TUBGCP6: variants seen among roughly 807,000 people sequenced by gnomAD.
The protein encoded by TUBGCP6 is gamma-tubulin complex component 6.
TUBGCP6 carries 161 observed loss-of-function variants against 175.8 expected under a neutral mutation model. That is an observed-to-expected ratio of 0.92 (90% CI 0.81 to 1.04). TUBGCP6 has a LOEUF of 1.04. Among genes scored for constraint, TUBGCP6 ranks in the 50% least tolerant of loss-of-function variants. The pLI, the probability that TUBGCP6 is intolerant of heterozygous loss-of-function variation, is 0.00. For missense variants in TUBGCP6, 2,572 were observed against 2,433.0 expected, an observed-to-expected ratio of 1.06 and a Z score of -1.20; for synonymous variants, 1,173 against 1,030.5, an observed-to-expected ratio of 1.14 and a Z score of -2.65.
chr22:50,218,709 C>T lies in TUBGCP6; in HGVS notation c.4815G>A (p.Arg1605=), dbSNP rs773434604. 1 of 1,613,690 alleles carries T rather than the reference C, an allele frequency of 6.2e-7. No individual in the cohort carries two copies. The highest frequency in any genetic ancestry group is 2.2e-5 in the East Asian group (1 of 44,872). ...APDVLSCLEL[R]YKVDWPLNIV... ...GGCCAGGGCTGCTGCTGACCTTGTACCTGAGCTCCAGGCAGCTCAGCACAT... is the reference window on the plus strand; with the variant it reads ...GGCCAGGGCTGCTGCTGACCTTGTATCTGAGCTCCAGGCAGCTCAGCACAT... Residue 1605 remains arginine, a synonymous_variant, in exon 21 of 25, where the codon AGG becomes AGA. Transcript: ENST00000248846.
At chr22:50,229,203 A>C (rs2064657554) in intron 4 of TUBGCP6, among the ~76,000 whole-genome samples, 1 of 152,020 alleles carries the variant, frequency 6.6e-6, no homozygotes, top group Non-Finnish European at 1.5e-5. Flanking sequence ...GGGCCCACAC[A>C]CATCTGCCCC....
Position 50,240,193 on chromosome 22 carries a change from A to AGG in TUBGCP6, c.905+9_905+10dup, listed in dbSNP as rs1290620144. On this transcript the variant is annotated intron_variant, in intron 2 of 24. Transcript: ENST00000248846. Reference sequence around the variant, plus strand: ...GGGGCACTGCATGCCAAGGCAAAGAAGGGCACACACCAGCCAACTCGCTCC... The same window carrying AGG: ...GGGGCACTGCATGCCAAGGCAAAGAAGGGGGCACACACCAGCCAACTCGCTCC... 6.2e-7 allele frequency: 1 copy of AGG among 1,613,226 alleles called. No individual in the cohort carries two copies. Among genetic ancestry groups the AGG allele is most frequent in the African/African-American group, 1.3e-5 (1 of 74,888 alleles).
intron 14 of TUBGCP6, 115 bp from the exon 15 acceptor site, chr22:50,222,217 G>T: frequency 1.6e-6 from 2 of 1,257,160 alleles, no homozygotes; most frequent in Non-Finnish European, 2.2e-6. Context: ...ACCAGACAAG[G>T]CTTGTGCTGG....
chr22:50,239,491 CT>C (rs1371313877), intron 2 of TUBGCP6, among the ~76,000 whole-genome samples: 5 of 152,184 alleles, frequency 3.3e-5, no homozygotes, highest in African/African-American at 1.2e-4. Context: ...TGCATATTCT[CT>C]GCCTGGGTTC....
intron 1 of TUBGCP6, among the ~76,000 whole-genome samples, chr22:50,242,968 C>A (rs1047017877): frequency 2.6e-5 from 4 of 152,190 alleles, no homozygotes; most frequent in Non-Finnish European, 5.9e-5. Context: ...TCCAGCAGCC[C>A]CACCTCAGGA....
rs767516267 is a variant in TUBGCP6 at position 50,220,971 on chromosome 22, G to A, written c.3388C>T (p.Arg1130Trp). 14 of 1,607,252 alleles carry A rather than the reference G, an allele frequency of 8.7e-6. No individual in the cohort carries two copies. The highest frequency in any genetic ancestry group is 4.5e-5 in the East Asian group (2 of 44,696). Residue 1130 changes from arginine to tryptophan, a missense_variant, in exon 16 of 25, where the codon CGG (arginine) becomes TGG (tryptophan). Arg to Trp is a moderately radical substitution (Grantham distance 101). Coordinates refer to ENST00000248846, the MANE Select transcript of TUBGCP6 (RefSeq NM_020461.4). ...GACACGTGCCCGTGGGTATTCCACC[G>A]TGGCCTGGTGGGAGCCACATCTGAC... is the stretch of plus-strand genomic sequence containing the variant. ...NVSDVAPTRPRWNTHGHVSNA... is the reference protein window; with the variant it reads ...NVSDVAPTRPWWNTHGHVSNA...
Position 50,244,447 on chromosome 22 carries a change from T to G in TUBGCP6, c.13A>C (p.Thr5Pro), listed in dbSNP as rs2064892687. MASI[T>P]QLFDDLCEAL... ...TCACACAGGTCGTCGAACAGCTGCG[T>G]GATGCTGGCCATGCCCCTTCTCAGC... is the stretch of plus-strand genomic sequence containing the variant. The change falls in exon 1 of 25, where the codon ACG becomes CCG. Residue 5 changes from threonine (T) to proline (P), a missense_variant. Physicochemically the swap from Thr to Pro is conservative, Grantham distance 38. Transcript: ENST00000248846. The G allele has an allele frequency of 6.2e-7, 1 of 1,611,380 alleles. No homozygotes were observed. Among genetic ancestry groups the G allele is most frequent in the Non-Finnish European group, 8.5e-7 (1 of 1,179,344 alleles).
rs1042037832 is a variant in TUBGCP6, at chr22:50,218,069, G to A, written c.5217C>T (p.Ser1739=). The A allele has an allele frequency of 1.2e-6, 2 of 1,613,370 alleles. No homozygotes were observed. The highest frequency in any genetic ancestry group is 1.7e-5 in the Admixed American group (1 of 60,010). ...KAAPVMNVIH[S]IFSLVLKFRS... ...GGAACTTGAGCACGAGGCTGAAGAT[G>A]CTGTGGATGACGTTCATGACGGGCG... The change falls in exon 24 of 25, where the codon AGC becomes AGT. Residue 1739 remains serine (S), a synonymous_variant. Coordinates refer to ENST00000248846, the MANE Select transcript of TUBGCP6 (RefSeq NM_020461.4).
At chr22:50,242,133 A>G (rs1294348691) in intron 1 of TUBGCP6, among the ~76,000 whole-genome samples, 5 of 152,086 alleles carry the variant, frequency 3.3e-5, no homozygotes, top group African/African-American at 1.2e-4. Context: ...TCTACTAAAT[A>G]TACAAAAAAT....
In TUBGCP6 at chr22:50,220,450, C is replaced by G; in HGVS notation, c.3909G>C (p.Gln1303His). The change falls in exon 16 of 25, where the codon CAG becomes CAC. Residue 1303 changes from glutamine (Q) to histidine (H), a missense_variant. Gln to His is a conservative substitution (Grantham distance 24). Transcript: ENST00000248846. ...PQQSPPGHTSQSALSLGAQST... is the reference protein window; with the variant it reads ...PQQSPPGHTSHSALSLGAQST... ...TCTGTGCTCCCAGGCTGAGCGCTGA[C>G]TGGGACGTGTGGCCAGGGGGGCTCT... 1 of 1,612,698 alleles carries G rather than the reference C, an allele frequency of 6.2e-7. No homozygotes were observed. The highest frequency in any genetic ancestry group is 1.3e-5 in the African/African-American group (1 of 75,064).
intron 1 of TUBGCP6, among the ~76,000 whole-genome samples, chr22:50,240,913 C>T (rs6010215): frequency 1.8e-4 from 28 of 152,282 alleles, no homozygotes; most frequent in East Asian, 7.7e-4. Context: ...TGCTTGAACC[C>T]GGGAAGCGGA....
chr22:50,225,720 G>T, intron 10 of TUBGCP6, 74 bp downstream of exon 10: 1 of 1,533,044 alleles, frequency 6.5e-7, no homozygotes, highest in East Asian at 2.3e-5. Flanking sequence ...CCTCATGTCC[G>T]CCCCACCAAC....
At chr22:50,231,056 T>C (rs1601597211) in intron 3 of TUBGCP6, among the ~76,000 whole-genome samples, 3 of 119,112 alleles carry the variant, frequency 2.5e-5, no homozygotes, top group Non-Finnish European at 4.8e-5. Context: ...CACTCCAGCC[T>C]GGGCAACAGA....
chr22:50,227,938 A>G lies in TUBGCP6; in HGVS notation c.1381T>C (p.Phe461Leu). 1.3e-6 allele frequency: 2 copies of G among 1,574,952 alleles called. No individual in the cohort carries two copies. The highest frequency in any genetic ancestry group is 1.7e-6 in the Non-Finnish European group (2 of 1,159,788). The change falls in exon 5 of 25, where the codon TTT becomes CTT. Residue 461 changes from phenylalanine to leucine, a missense_variant. By Grantham distance (22) the Phe-to-Leu change is conservative. Transcript: ENST00000248846. Reference protein sequence around the residue: ...PPTLSLLTIGFLFKKLGRQLR... With the variant: ...PPTLSLLTIGLLFKKLGRQLR... ...TGCCGGCCAAGTTTCTTGAAGAGAA[A>G]ACCAATGGTGAGGAGGCTCAGGGTG... is the stretch of plus-strand genomic sequence containing the variant.
rs566265608 is a variant in TUBGCP6 at position 50,242,267 on chromosome 22, G to A, written c.741+1452C>T. 7.9e-5 allele frequency among the ~76,000 whole-genome samples: 12 copies of A among 152,034 alleles called. No individual in the cohort carries two copies. In the East Asian group the frequency reaches 2.1e-3, roughly 27 times the overall value. ...AGATTGTGCCACCGCACTCGAGCCT[G>A]GGCGACAGAGCGAGACTGTGTCAAA... On this transcript the variant is annotated intron_variant, in intron 1 of 24. Coordinates refer to ENST00000248846, the MANE Select transcript of TUBGCP6 (RefSeq NM_020461.4).
intron 5 of TUBGCP6, among the ~76,000 whole-genome samples, chr22:50,227,372 G>A (rs2064628117): frequency 6.6e-6 from 1 of 152,020 alleles, no homozygotes; most frequent in Non-Finnish European, 1.5e-5. Flanking sequence ...TCCCACTTCT[G>A]GGGGCTGCAC....
intron 13 of TUBGCP6, chr22:50,223,168 C>T (rs2064554997): frequency 6.4e-6 from 1 of 155,140 alleles, no homozygotes; most frequent in Non-Finnish European, 1.4e-5. Flanking sequence ...CATGTGTTAA[C>T]AGGACAGTAT....
intron 5 of TUBGCP6, 144 bp from the exon 6 acceptor site, chr22:50,227,221 C>T (rs1415191729): frequency 4.1e-6 from 3 of 736,816 alleles, no homozygotes; most frequent in African/African-American, 3.6e-5. Flanking sequence ...ACAGGCACCC[C>T]AACCACCCAG....
rs895966943 is a variant in TUBGCP6 at position 50,226,204 on chromosome 22, A to C, written c.1694-15T>G. 1 of 1,613,956 alleles carries C rather than the reference A, an allele frequency of 6.2e-7. No individual in the cohort carries two copies. The highest frequency in any genetic ancestry group is 1.3e-5 in the African/African-American group (1 of 74,912). ...GTACAACTTATCTAAGGTAGGGTGA[A>C]CACCACGGTGGCCGGCATGGCCATG... On this transcript the variant is annotated splice_polypyrimidine_tract_variant and intron_variant, in intron 8 of 24. Transcript: ENST00000248846.
Sources: gnomAD v4.1 joint callset for allele counts (sites outside exome capture counted in the v4.1 genomes callset) on GRCh38, gnomAD v4.1.1 for gene constraint, MANE v1.5 for transcripts, NCBI Gene and HGNC (gene_info 2026-07-23, HGNC 2026-07-21) for gene names.